Variants in NAV2 observed in about 807,000 individuals in gnomAD.
NAV2 encodes the protein helicase, APC down-regulated 1.
Under a neutral mutation model 223.2 loss-of-function variants are expected in NAV2, and 54 were observed. The ratio of observed to expected loss-of-function variants is 0.24; its 90% CI spans 0.19 to 0.30. NAV2 has a LOEUF of 0.30. Among genes scored for constraint, NAV2 ranks in the 10% least tolerant of loss-of-function variants. The pLI, the probability that NAV2 is intolerant of heterozygous loss-of-function variation, is 1.00. For synonymous variants in NAV2, 1,279 were observed against 1,239.3 expected (o/e 1.03, Z -0.67); for missense variants, 2,806 against 3,147.5 (o/e 0.89, Z 2.60).
chr11:20,077,481 A>T, intron 22 of NAV2, 71 bp from the exon 23 acceptor site: 3 of 1,220,784 alleles, frequency 2.5e-6, no homozygotes, highest in Non-Finnish European at 3.6e-6. Flanking sequence ...TTTCATCTTT[A>T]AGAGCCAGAC....
rs528015918 is a variant in NAV2 at position 19,934,233 on chromosome 11, A to G, written c.1989A>G (p.Gln663=). 28 of 1,611,288 alleles carry G rather than the reference A, an allele frequency of 1.7e-5. No individual in the cohort carries two copies. The South Asian group carries it at 2.2e-4, about 13-fold the overall frequency. The part of the protein sequence containing the change: ...VSVQLPQPQQ[Q]YNHPNTATVA... Reference sequence around the variant, plus strand: ...TTCAGCTACCTCAGCCCCAGCAGCAATACAACCATCCCAACACTGCCACGG... The same window carrying G: ...TTCAGCTACCTCAGCCCCAGCAGCAGTACAACCATCCCAACACTGCCACGG... Residue 663 remains glutamine (Q), a synonymous_variant, in exon 7 of 38, where the codon CAA becomes CAG. Coordinates refer to ENST00000349880, the MANE Select transcript of NAV2 (RefSeq NM_145117.5).
chr11:20,000,014 G>C (rs1211333908), intron 11 of NAV2, among the ~76,000 whole-genome samples: 1 of 152,206 alleles, frequency 6.6e-6, no homozygotes, highest in Non-Finnish European at 1.5e-5. Flanking sequence ...CACCTCCATG[G>C]TGCAGTGTCC....
intron 1 of NAV2, among the ~76,000 whole-genome samples, chr11:19,590,734 C>A (rs765620779): frequency 2.6e-5 from 4 of 152,158 alleles, no homozygotes; most frequent in Non-Finnish European, 5.9e-5. Context: ...TCACAAACAA[C>A]CAAATACCAC....
chr11:19,518,062 G>A (rs1415319424), intron 1 of NAV2, among the ~76,000 whole-genome samples: 1 of 152,254 alleles, frequency 6.6e-6, no homozygotes, highest in Non-Finnish European at 1.5e-5. Flanking sequence ...GAGAAGTAGG[G>A]TGAATAGAGT....
At chr11:20,036,244 C>A in intron 12 of NAV2, 147 bp downstream of exon 12, 1 of 918,208 alleles carries the variant, frequency 1.1e-6, no homozygotes, top group Non-Finnish European at 1.6e-6. Flanking sequence ...CTGCTCTCAC[C>A]TCCTGACCCT....
chr11:19,904,625 A>G (rs2042716544), intron 6 of NAV2, among the ~76,000 whole-genome samples: 1 of 152,216 alleles, frequency 6.6e-6, no homozygotes, highest in African/African-American at 2.4e-5. Context: ...CCTTGCACAA[A>G]TGAAGATCTA....
intron 1 of NAV2, among the ~76,000 whole-genome samples, chr11:19,747,814 A>AG (rs1209809830): frequency 6.6e-6 from 1 of 152,220 alleles, no homozygotes; most frequent in East Asian, 1.9e-4. Flanking sequence ...TTTCCCTTCC[A>AG]GGAAAGAGCT....
chr11:20,107,057 ATTTTTTTTTTTTTT>A (rs10590815), intron 35 of NAV2, among the ~76,000 whole-genome samples: 12 of 27,254 alleles, frequency 4.4e-4, no homozygotes, highest in African/African-American at 9.5e-4. Flanking sequence ...ATGGGCTTCC[ATTTTTTTTTTTTTT>A]TTTTTTTTTT....
intron 1 of NAV2, among the ~76,000 whole-genome samples, chr11:19,818,883 T>C (rs895377540): frequency 3.3e-5 from 5 of 152,210 alleles, no homozygotes; most frequent in African/African-American, 7.2e-5. Flanking sequence ...AACATACTTA[T>C]TCATCTGTCC....
intron 11 of NAV2, among the ~76,000 whole-genome samples, chr11:19,996,493 G>A (rs2051903506): frequency 1.3e-5 from 2 of 152,230 alleles, no homozygotes; most frequent in Admixed American, 1.3e-4. Flanking sequence ...CTTTACTTAA[G>A]AAGATCTTAG....
chr11:19,362,559 C>T (rs1427393168), intron 1 of NAV2, among the ~76,000 whole-genome samples: 1 of 152,132 alleles, frequency 6.6e-6, no homozygotes, highest in Non-Finnish European at 1.5e-5. Flanking sequence ...GAAAGCACTG[C>T]TCTGTAGCAT....
At position 19,878,524 on chromosome 11, in the gene NAV2, C is replaced by T. The variant is rs537211633; in HGVS notation, c.512-1345C>T. On this transcript the variant is annotated intron_variant, in intron 4 of 37. Coordinates refer to ENST00000349880, the MANE Select transcript of NAV2 (RefSeq NM_145117.5). Reference sequence around the variant, plus strand: ...TGGTAAGAATACAGATTGGAACTCACGGCTTAGGTTTTCCAAATGCTATGC... The same window carrying T: ...TGGTAAGAATACAGATTGGAACTCATGGCTTAGGTTTTCCAAATGCTATGC... Among the ~76,000 whole-genome samples the T allele has an allele frequency of 4.6e-5, 7 of 152,308 alleles. No homozygotes were observed. In the East Asian group the frequency reaches 9.6e-4, roughly 21 times the overall value.
chr11:19,539,992 G>A (rs926665775), intron 1 of NAV2, among the ~76,000 whole-genome samples: 3 of 152,212 alleles, frequency 2.0e-5, no homozygotes, highest in African/African-American at 7.2e-5. Flanking sequence ...GCCAATGGGA[G>A]TTATGTGCCT....
intron 3 of NAV2, among the ~76,000 whole-genome samples, chr11:19,852,862 A>C (rs1339034302): frequency 6.6e-6 from 1 of 152,236 alleles, no homozygotes; most frequent in Non-Finnish European, 1.5e-5. Flanking sequence ...TTCACAGAGA[A>C]TGGAGTGATG....
At chr11:19,778,272 C>T in intron 1 of NAV2, 1 of 440,370 alleles carries the variant, frequency 2.3e-6, no homozygotes, top group Non-Finnish European at 4.5e-6. Flanking sequence ...CCATAATTCC[C>T]CCATTAAAGT....
intron 10 of NAV2, among the ~76,000 whole-genome samples, chr11:19,977,985 T>G (rs200088390): frequency 7.9e-5 from 8 of 101,654 alleles, no homozygotes; most frequent in East Asian, 7.3e-4. Context: ...TGTTTTTTTT[T>G]GTTTTTTTTG....
chr11:20,097,381 A>G (rs551883857), intron 30 of NAV2, among the ~76,000 whole-genome samples, 196 bp from the exon 31 acceptor site: 1 of 151,986 alleles, frequency 6.6e-6, no homozygotes, highest in Non-Finnish European at 1.5e-5. Flanking sequence ...ATAAATCTGT[A>G]TTTTAAGAGG....
At chr11:19,955,094 TTG>T (rs1165292060) in intron 10 of NAV2, among the ~76,000 whole-genome samples, 1 of 152,092 alleles carries the variant, frequency 6.6e-6, no homozygotes, top group Non-Finnish European at 1.5e-5. Context: ...TGCCTGCCTG[TTG>T]CATAGTAAGC....
chr11:20,089,213 A>G (rs2060657514), intron 26 of NAV2, among the ~76,000 whole-genome samples: 1 of 152,200 alleles, frequency 6.6e-6, no homozygotes, highest in South Asian at 2.1e-4. Context: ...GGGTTTTTCA[A>G]TAAGATTTTG....
Sources: allele counts gnomAD v4.1 joint callset (sites outside exome capture counted in the v4.1 genomes callset), GRCh38; gene constraint gnomAD v4.1.1; transcripts MANE v1.5; gene names NCBI Gene and HGNC (gene_info 2026-07-23, HGNC 2026-07-21).